Variants in CERS6 observed in about 807,000 individuals in gnomAD.
The protein encoded by CERS6 is ceramide synthase 6, also known as LAG1 homolog, ceramide synthase 6.
A neutral mutation model predicts 56.8 loss-of-function variants in CERS6; 26 were observed. The ratio of observed to expected loss-of-function variants is 0.46; its 90% CI spans 0.34 to 0.63. The LOEUF (loss-of-function observed/expected upper bound fraction) is 0.63, where lower values mean the gene tolerates loss of function less well. Ranked by LOEUF, CERS6 falls within the 30% of genes least tolerant of loss-of-function variation. CERS6 has a pLI of 0.01. For synonymous variants in CERS6, 164 were observed against 173.3 expected (o/e 0.95, Z 0.42); for missense variants, 415 against 467.5 (o/e 0.89, Z 1.04).
At chr2:168,537,669 T>A (rs1695289566) in intron 1 of CERS6, among the ~76,000 whole-genome samples, 1 of 152,300 alleles carries the variant, frequency 6.6e-6, no homozygotes. Flanking sequence ...CACCTTAGGG[T>A]TTATTTCTTG....
chr2:168,673,442 G>A (rs1156587501), intron 4 of CERS6, among the ~76,000 whole-genome samples: 2 of 152,238 alleles, frequency 1.3e-5, no homozygotes, highest in African/African-American at 4.8e-5. Context: ...TCCCTATGAT[G>A]TCAAGTTTCC....
chr2:168,505,025 A>G (rs987142053), intron 1 of CERS6, among the ~76,000 whole-genome samples: 6 of 152,132 alleles, frequency 3.9e-5, no homozygotes, highest in African/African-American at 1.4e-4. Context: ...TGTAAGGTCA[A>G]TTGATACGGT....
chr2:168,484,167 G>GTTTTTTTTTTTTTTTT (rs34492119), intron 1 of CERS6, among the ~76,000 whole-genome samples: 2 of 51,610 alleles, frequency 3.9e-5, no homozygotes, highest in Non-Finnish European at 7.4e-5. Flanking sequence ...TCTTTTTTCT[G>GTTTTTTTTTTTTTTTT]TTTTTTTTTT....
intron 8 of CERS6, among the ~76,000 whole-genome samples, chr2:168,725,328 G>A (rs2105403763): frequency 6.6e-6 from 1 of 152,368 alleles, no homozygotes; most frequent in South Asian, 2.1e-4. Flanking sequence ...GCCTTGGCCA[G>A]CCCAGAAAGG....
chr2:168,464,276 C>G (rs1393664384), intron 1 of CERS6, among the ~76,000 whole-genome samples: 2 of 151,558 alleles, frequency 1.3e-5, no homozygotes, highest in African/African-American at 4.9e-5. Flanking sequence ...ACTGCAACCT[C>G]TGACTCCCAG....
intron 8 of CERS6, among the ~76,000 whole-genome samples, chr2:168,754,630 C>G (rs981530722): frequency 6.6e-6 from 1 of 152,194 alleles, no homozygotes; most frequent in Admixed American, 6.5e-5. Context: ...CAAGACCCTA[C>G]CAGAACCTTC....
At chr2:168,627,389 G>T (rs1205925370) in intron 3 of CERS6, among the ~76,000 whole-genome samples, 1 of 152,102 alleles carries the variant, frequency 6.6e-6, no homozygotes, top group African/African-American at 2.4e-5. Flanking sequence ...TTTCATAAAG[G>T]TTAATGAATA....
intron 1 of CERS6, among the ~76,000 whole-genome samples, chr2:168,524,143 C>T (rs1695030239): frequency 6.6e-6 from 1 of 152,100 alleles, no homozygotes; most frequent in Admixed American, 6.6e-5. Flanking sequence ...TATTTGTAAC[C>T]TATAGAAGCA....
chr2:168,534,432 G>T (rs1198804346), intron 1 of CERS6, among the ~76,000 whole-genome samples: 1 of 148,398 alleles, frequency 6.7e-6, no homozygotes, highest in Non-Finnish European at 1.5e-5. Context: ...AATTGTTGAT[G>T]CTGTTGTCGT....
At chr2:168,651,622 CA>C (rs984649639) in intron 4 of CERS6, among the ~76,000 whole-genome samples, 1 of 152,104 alleles carries the variant, frequency 6.6e-6, no homozygotes, top group African/African-American at 2.4e-5. Context: ...GGAGAGGTGT[CA>C]GGGGGAACCG....
chr2:168,510,741 A>C lies in CERS6; in HGVS notation c.171-36855A>C, dbSNP rs1694764540. Among the ~76,000 whole-genome samples the C allele has an allele frequency of 2.0e-5, 3 of 152,168 alleles. No individual in the cohort carries two copies. In the South Asian group the frequency reaches 6.2e-4, roughly 32 times the overall value. Reference sequence around the variant, plus strand: ...AAAATTTATATTGTTTGCTTTCTGCACCATTATCATTACTATCATCTTGGC... The same window carrying C: ...AAAATTTATATTGTTTGCTTTCTGCCCCATTATCATTACTATCATCTTGGC... On this transcript the variant is annotated intron_variant, in intron 1 of 9. Coordinates refer to ENST00000305747, the MANE Select transcript of CERS6 (RefSeq NM_203463.3).
intron 6 of CERS6, among the ~76,000 whole-genome samples, chr2:168,713,708 C>T (rs895745497): frequency 2.6e-5 from 4 of 151,970 alleles, no homozygotes; most frequent in Admixed American, 1.3e-4. Flanking sequence ...GGGCTTCAAT[C>T]CCCACCAGTA....
intron 3 of CERS6, among the ~76,000 whole-genome samples, chr2:168,609,273 G>C (rs76520418): frequency 0.017 from 2,601 of 152,252 alleles, 102 homozygotes; most frequent in East Asian, 0.16. Context: ...GGGACTGTGA[G>C]TAGTCACCAC....
chr2:168,460,323 T>G (rs552096080), intron 1 of CERS6, among the ~76,000 whole-genome samples: 5 of 151,730 alleles, frequency 3.3e-5, no homozygotes, highest in Non-Finnish European at 7.4e-5. Context: ...GCCTCACGAG[T>G]AGCTAGGACC....
chr2:168,640,033 G>C (rs953679952), intron 4 of CERS6, among the ~76,000 whole-genome samples: 2 of 152,162 alleles, frequency 1.3e-5, no homozygotes, highest in Non-Finnish European at 2.9e-5. Flanking sequence ...CCCAAGAAAT[G>C]TAGGCTTCCA....
intron 3 of CERS6, among the ~76,000 whole-genome samples, chr2:168,628,024 G>A (rs1401950511): frequency 2.6e-5 from 4 of 152,022 alleles, no homozygotes; most frequent in Non-Finnish European, 5.9e-5. Flanking sequence ...TATCTTACCC[G>A]GCAGTCTTTT....
chr2:168,463,004 A>G (rs745383460), intron 1 of CERS6, among the ~76,000 whole-genome samples: 3 of 152,268 alleles, frequency 2.0e-5, no homozygotes, highest in Admixed American at 6.5e-5. Flanking sequence ...TGAAAACAAT[A>G]GTAACAACTA....
chr2:168,723,850 ATTC>A (rs1225997666), intron 8 of CERS6, among the ~76,000 whole-genome samples: 1 of 152,228 alleles, frequency 6.6e-6, no homozygotes, highest in Admixed American at 6.5e-5. Flanking sequence ...CTGTAACAAC[ATTC>A]TTCTTCCGTA....
chr2:168,751,760 CTT>C (rs1300022816), intron 8 of CERS6, among the ~76,000 whole-genome samples: 1 of 152,106 alleles, frequency 6.6e-6, no homozygotes, highest in Non-Finnish European at 1.5e-5. Flanking sequence ...TAAGTTCAAA[CTT>C]TTCTTCCCAG....
Sources: gnomAD v4.1 joint callset for allele counts (sites outside exome capture counted in the v4.1 genomes callset) on GRCh38, gnomAD v4.1.1 for gene constraint, MANE v1.5 for transcripts, NCBI Gene and HGNC (gene_info 2026-07-23, HGNC 2026-07-21) for gene names.